Variants in GANC observed in about 807,000 individuals in gnomAD.
The protein encoded by GANC is neutral alpha-glucosidase C.
GANC carries 117 observed loss-of-function variants against 124.2 expected under a neutral mutation model. That is an observed-to-expected ratio of 0.94 (90% confidence interval 0.81 to 1.10). GANC has a LOEUF of 1.10. GANC is among the 50% of genes least tolerant of loss of function. The probability of loss-of-function intolerance (pLI) is 0.00; values close to 1 mark genes in which losing one functional copy is unlikely to be tolerated. For missense variants in GANC, 1,140 were observed against 1,095.0 expected, an observed-to-expected ratio of 1.04 and a Z score of -0.58; for synonymous variants, 377 against 376.8, an observed-to-expected ratio of 1.00 and a Z score of -0.01.
rs1350860086 is a variant in GANC at position 42,321,992 on chromosome 15, A to G, written c.1265A>G (p.Gln422Arg). 2 of 1,613,604 alleles carry G rather than the reference A, an allele frequency of 1.2e-6. No homozygotes were observed. Among genetic ancestry groups the G allele is most frequent in the Non-Finnish European group, 1.7e-6 (2 of 1,179,762 alleles). The change falls in exon 11 of 24, where the codon CAA (glutamine) becomes CGA (arginine). Residue 422 changes from glutamine (Q) to arginine (R), a missense_variant. By Grantham distance (43) the Gln-to-Arg change is conservative. Coordinates refer to ENST00000318010, the MANE Select transcript of GANC (RefSeq NM_198141.3). ...AGATTCCCAAACCCCAAGAGGATGC[A>G]AGAGCTGCTCAGGAGCAAAAAGCGT... is the stretch of plus-strand genomic sequence containing the variant. Reference protein sequence around the residue: ...KNRFPNPKRMQELLRSKKRKL... With the variant: ...KNRFPNPKRMRELLRSKKRKL...
At chr15:42,276,587 A>C (rs1455076156) in intron 2 of GANC, among the ~76,000 whole-genome samples, 177 bp downstream of exon 2, 1 of 152,248 alleles carries the variant, frequency 6.6e-6, no homozygotes, top group Non-Finnish European at 1.5e-5. Flanking sequence ...TGAAGTATTT[A>C]AATTTTTCAA....
At chr15:42,300,009 C>T (rs1290896649) in intron 6 of GANC, among the ~76,000 whole-genome samples, 1 of 152,090 alleles carries the variant, frequency 6.6e-6, no homozygotes, top group Admixed American at 6.6e-5. Flanking sequence ...ACCATAAAAA[C>T]CCTAGAAGAA....
chr15:42,344,665 G>A (rs2052350627), intron 19 of GANC: 2 of 152,164 alleles, frequency 1.3e-5, no homozygotes, highest in Admixed American at 1.3e-4. Flanking sequence ...CTATTCTCTT[G>A]GTTTCTCCAG....
At chr15:42,283,988 C>T (rs1338189668) in intron 3 of GANC, 6 of 702,390 alleles carry the variant, frequency 8.5e-6, no homozygotes, top group Non-Finnish European at 1.3e-5. Flanking sequence ...AATTAGTGTC[C>T]TACAGCAATT....
At chr15:42,328,933 A>G (rs548600749) in intron 13 of GANC, among the ~76,000 whole-genome samples, 2 of 152,360 alleles carry the variant, frequency 1.3e-5, no homozygotes, top group East Asian at 1.9e-4. Context: ...TAAGAGTTGT[A>G]GCATCTGATG....
intron 3 of GANC, among the ~76,000 whole-genome samples, chr15:42,286,902 A>G (rs912450017): frequency 1.3e-5 from 2 of 152,212 alleles, no homozygotes; most frequent in African/African-American, 4.8e-5. Context: ...GGAAATTGCA[A>G]TTGACTAGTG....
At chr15:42,348,818 T>A (rs1450212494) in intron 21 of GANC, among the ~76,000 whole-genome samples, 2 of 152,212 alleles carry the variant, frequency 1.3e-5, no homozygotes, top group African/African-American at 4.8e-5. Flanking sequence ...ATAAAATAAT[T>A]CAGTTGTAGG....
At chr15:42,295,896 C>T (rs141853696) in intron 5 of GANC, among the ~76,000 whole-genome samples, 1 of 152,206 alleles carries the variant, frequency 6.6e-6, no homozygotes, top group East Asian at 1.9e-4. Context: ...AATACTAGCA[C>T]TTTGGGAGGC....
Position 42,273,387 on chromosome 15 carries a change from A to T in GANC, c.-1095A>T, listed in dbSNP as rs958019797. 5 of 1,613,932 alleles carry T rather than the reference A, an allele frequency of 3.1e-6. No individual in the cohort carries two copies. Among genetic ancestry groups the T allele is most frequent in the Non-Finnish European group, 3.4e-6 (4 of 1,180,032 alleles). On this transcript the variant is annotated 5_prime_UTR_variant, in exon 1 of 24. Transcript: ENST00000318010. ...TGACAGGCAACACCTGAAGCCACGC[A>T]GCCGCCGCCATCTTCACAGCCGTGG...
chr15:42,281,608 C>G (rs555028529), intron 3 of GANC, among the ~76,000 whole-genome samples: 2 of 152,170 alleles, frequency 1.3e-5, no homozygotes, highest in African/African-American at 4.8e-5. Context: ...TCACTTGACC[C>G]TGGGAGGCAG....
intron 10 of GANC, 116 bp from the exon 11 acceptor site, chr15:42,321,669 G>A: frequency 1.1e-6 from 1 of 870,798 alleles, no homozygotes; most frequent in South Asian, 1.7e-5. Context: ...TCTTCTCCTT[G>A]TTATTCTAAG....
At chr15:42,340,362 G>T (rs535943961) in intron 17 of GANC, among the ~76,000 whole-genome samples, 12 of 152,108 alleles carry the variant, frequency 7.9e-5, no homozygotes, top group Non-Finnish European at 1.5e-4. Flanking sequence ...GCTCACACCT[G>T]TAATCCCAGC....
In GANC at chr15:42,338,421, T is replaced by C; in HGVS notation, c.1774T>C (p.Trp592Arg). ...AVWTGDNTAE[W>R]SNLKISIPML... ...GTGGACAGGCGACAACACAGCAGAA[T>C]GGAGCAACTTGAAAATTTCTATCCC... Residue 592 changes from tryptophan (W) to arginine (R), a missense_variant, in exon 16 of 24, where the codon TGG becomes CGG. By Grantham distance (101) the Trp-to-Arg change is moderately radical. Coordinates refer to ENST00000318010, the MANE Select transcript of GANC (RefSeq NM_198141.3). 1 of 1,614,108 alleles carries C rather than the reference T, an allele frequency of 6.2e-7. No homozygotes were observed. Among genetic ancestry groups the C allele is most frequent in the Non-Finnish European group, 8.5e-7 (1 of 1,179,958 alleles).
chr15:42,290,634 T>A (rs2051832297), intron 4 of GANC, among the ~76,000 whole-genome samples: 1 of 151,990 alleles, frequency 6.6e-6, no homozygotes, highest in African/African-American at 2.4e-5. Context: ...AAAGTAAGAC[T>A]GCATCTCTAT....
At chr15:42,345,240 G>C (rs1017998933) in intron 19 of GANC, among the ~76,000 whole-genome samples, 1 of 149,394 alleles carries the variant, frequency 6.7e-6, no homozygotes, top group Non-Finnish European at 1.5e-5. Flanking sequence ...TACTATAATA[G>C]TAATTCAAGT....
At chr15:42,334,167 T>G (rs1184352172) in intron 15 of GANC, among the ~76,000 whole-genome samples, 1 of 942 alleles carries the variant, frequency 1.1e-3, no homozygotes, top group Admixed American at 0.042. Flanking sequence ...AATAAAATCT[T>G]TTTTTTTTTT....
chr15:42,333,550 C>G (rs1443028601), intron 15 of GANC, among the ~76,000 whole-genome samples: 1 of 152,122 alleles, frequency 6.6e-6, no homozygotes, highest in African/African-American at 2.4e-5. Flanking sequence ...TAAATAAGAA[C>G]AAGAACACTG....
intron 10 of GANC, among the ~76,000 whole-genome samples, chr15:42,315,258 AAAAT>A (rs61214676): frequency 0.7 from 106,052 of 151,704 alleles, 40,836 homozygotes; most frequent in Non-Finnish European, 0.86. Context: ...CTAGAAATGG[AAAAT>A]AAATAAATAA....
intron 4 of GANC, 63 bp downstream of exon 4, chr15:42,287,881 TAATA>T: frequency 1.3e-6 from 2 of 1,529,270 alleles, no homozygotes; most frequent in Non-Finnish European, 1.8e-6. Context: ...ATATCTTGAG[TAATA>T]AATTTTGTTA....
Sources: allele counts gnomAD v4.1 joint callset (sites outside exome capture counted in the v4.1 genomes callset), GRCh38; gene constraint gnomAD v4.1.1; transcripts MANE v1.5; gene names NCBI Gene and HGNC (gene_info 2026-07-23, HGNC 2026-07-21).